RIPK2: variants seen among roughly 807,000 people sequenced by gnomAD.
The protein encoded by RIPK2 is receptor-interacting serine/threonine-protein kinase 2.
A neutral mutation model predicts 60.9 loss-of-function variants in RIPK2; 38 were observed. The observed-to-expected ratio is 0.62, with a 90% CI of 0.48 to 0.82. The LOEUF is 0.82. Ranked by LOEUF, RIPK2 falls within the 40% of genes least tolerant of loss-of-function variation. The pLI, the probability that RIPK2 is intolerant of heterozygous loss-of-function variation, is 0.00. For synonymous variants in RIPK2, 225 were observed against 223.4 expected, an observed-to-expected ratio of 1.01 and a Z score of -0.06; for missense variants, 518 against 647.0, an observed-to-expected ratio of 0.80 and a Z score of 2.16.
rs1809317331 is a variant in RIPK2 at position 89,771,807 on chromosome 8, T to C, written c.691+17T>C. On this transcript the variant is annotated intron_variant, in intron 5 of 10. Coordinates refer to ENST00000220751, the MANE Select transcript of RIPK2 (RefSeq NM_003821.6). The stretch of plus-strand genomic sequence containing the variant: ...CTTTTGAAGGTAAGTATGGTTTGAC[T>C]TTTTTATGCTCAATAACATCATGTT... The C allele has an allele frequency of 6.5e-7, 1 of 1,542,490 alleles. No homozygotes were observed. The highest frequency in any genetic ancestry group is 1.4e-5 in the African/African-American group (1 of 73,308).
intron 1 of RIPK2, among the ~76,000 whole-genome samples, chr8:89,759,913 G>T (rs1435055147): frequency 6.6e-6 from 1 of 152,112 alleles, no homozygotes; most frequent in Non-Finnish European, 1.5e-5. Flanking sequence ...AAGTGAAGAG[G>T]GAGTTTCCTT....
intron 3 of RIPK2, among the ~76,000 whole-genome samples, chr8:89,766,821 C>T (rs191463828): frequency 6.6e-6 from 1 of 150,732 alleles, no homozygotes; most frequent in Non-Finnish European, 1.5e-5. Flanking sequence ...AAATGTCTCT[C>T]ATGTCTTAAG....
intron 7 of RIPK2, 107 bp from the exon 8 acceptor site, chr8:89,783,943 C>G (rs943419860): frequency 1.8e-6 from 1 of 558,240 alleles, no homozygotes; most frequent in South Asian, 3.1e-5. Flanking sequence ...TATTTTCTTT[C>G]CATGTATTTT....
chr8:89,757,929 G>C lies in RIPK2; in HGVS notation c.-132G>C. ...GGAATGGGCGCCCTCGTGACCTAGT[G>C]TTGCGGGGCAAAAAGGGTCTTGCCG... is the stretch of plus-strand genomic sequence containing the variant. On this transcript the variant is annotated 5_prime_UTR_variant, in exon 1 of 11. Transcript: ENST00000220751. 1 of 1,406,420 alleles carries C rather than the reference G, an allele frequency of 7.1e-7. No individual in the cohort carries two copies. Among genetic ancestry groups the C allele is most frequent in the Non-Finnish European group, 9.2e-7 (1 of 1,083,398 alleles). 87.1% of individuals were successfully genotyped at this position (1,406,420 alleles called of 1,614,324 possible). A position where few individuals can be genotyped will look rare whatever the true frequency, so the allele number is the denominator to read the frequency against.
intron 5 of RIPK2, 124 bp downstream of exon 5, chr8:89,771,914 C>G: frequency 1.4e-6 from 1 of 724,762 alleles, no homozygotes; most frequent in South Asian, 1.6e-5. Flanking sequence ...ACTAAAACAA[C>G]CATTTATCAG....
At chr8:89,773,105 T>C (rs1809341203) in intron 6 of RIPK2, among the ~76,000 whole-genome samples, 1 of 152,158 alleles carries the variant, frequency 6.6e-6, no homozygotes. Flanking sequence ...ATGTATATAC[T>C]GGAGTGAGCC....
intron 6 of RIPK2, among the ~76,000 whole-genome samples, chr8:89,778,120 C>CT (rs138387677): frequency 6.6e-6 from 1 of 151,550 alleles, no homozygotes; most frequent in African/African-American, 2.4e-5. Flanking sequence ...AATATTTTTC[C>CT]TTTTTTTAAA....
chr8:89,780,014 C>A, intron 6 of RIPK2, 61 bp from the exon 7 acceptor site: 1 of 789,488 alleles, frequency 1.3e-6, no homozygotes, highest in Non-Finnish European at 2.1e-6. Flanking sequence ...TAAATGTTAG[C>A]ATTTCACTTT....
intron 5 of RIPK2, 83 bp downstream of exon 5, chr8:89,771,873 T>C (rs1484146496): frequency 1.1e-6 from 1 of 909,072 alleles, no homozygotes; most frequent in East Asian, 2.5e-5. Context: ...CATGTTATTT[T>C]AAATCTGCTT....
At chr8:89,764,678 G>C (rs545531855) in intron 2 of RIPK2, among the ~76,000 whole-genome samples, 4 of 152,160 alleles carry the variant, frequency 2.6e-5, no homozygotes, top group African/African-American at 7.2e-5. Flanking sequence ...TGTTTTAAAT[G>C]TGTCTGTTCT....
intron 1 of RIPK2, among the ~76,000 whole-genome samples, chr8:89,762,516 G>A (rs1258207454): frequency 6.6e-6 from 1 of 152,132 alleles, no homozygotes; most frequent in African/African-American, 2.4e-5. Flanking sequence ...TTCTAACATA[G>A]ATAGACTTTA....
At chr8:89,789,264 G>A in intron 9 of RIPK2, 57 bp from the exon 10 acceptor site, 2 of 1,466,128 alleles carry the variant, frequency 1.4e-6, no homozygotes, top group Non-Finnish European at 1.9e-6. Context: ...TGACATGTTA[G>A]CCAATAGGAA....
intron 6 of RIPK2, among the ~76,000 whole-genome samples, chr8:89,779,096 A>G (rs574988857): frequency 4.1e-4 from 63 of 152,134 alleles, no homozygotes; most frequent in Middle Eastern, 3.4e-3. Flanking sequence ...TATCTCCTTT[A>G]GTGAAATTCA....
intron 6 of RIPK2, among the ~76,000 whole-genome samples, chr8:89,776,795 C>T (rs1390064800): frequency 2.0e-5 from 3 of 152,166 alleles, no homozygotes; most frequent in Non-Finnish European, 4.4e-5. Flanking sequence ...AAACCAGCGA[C>T]CCCACTTCTG....
chr8:89,779,522 G>A (rs1400112656), intron 6 of RIPK2, among the ~76,000 whole-genome samples: 3 of 151,856 alleles, frequency 2.0e-5, no homozygotes, highest in Admixed American at 6.6e-5. Context: ...GGGTTTCACT[G>A]TGTTAGCCAG....
At chr8:89,778,072 T>C (rs1220681655) in intron 6 of RIPK2, among the ~76,000 whole-genome samples, 1 of 151,654 alleles carries the variant, frequency 6.6e-6, no homozygotes, top group East Asian at 1.9e-4. Context: ...GAAATTTTAA[T>C]AAAAAAATAA....
At chr8:89,785,362 C>G (rs956842235) in intron 8 of RIPK2, among the ~76,000 whole-genome samples, 2 of 152,054 alleles carry the variant, frequency 1.3e-5, no homozygotes, top group Non-Finnish European at 2.9e-5. Context: ...GTAATCCCAG[C>G]TACTCGGGGG....
At chr8:89,781,810 G>C (rs1256398964) in intron 7 of RIPK2, among the ~76,000 whole-genome samples, 1 of 151,990 alleles carries the variant, frequency 6.6e-6, no homozygotes. Context: ...CCTATGATAA[G>C]GTTTAATTTA....
At chr8:89,779,969 A>G in intron 6 of RIPK2, 106 bp from the exon 7 acceptor site, 1 of 620,924 alleles carries the variant, frequency 1.6e-6, no homozygotes, top group Non-Finnish European at 2.9e-6. Context: ...GAATGTCATC[A>G]CTTTGGGGAA....
Sources: allele counts gnomAD v4.1 joint callset (sites outside exome capture counted in the v4.1 genomes callset), GRCh38; gene constraint gnomAD v4.1.1; transcripts MANE v1.5; gene names NCBI Gene and HGNC (gene_info 2026-07-23, HGNC 2026-07-21).